CDC14B: variants seen among roughly 807,000 people sequenced by gnomAD.
CDC14B encodes the protein dual specificity protein phosphatase CDC14B.
In CDC14B, 22 loss-of-function variants were observed where a neutral mutation model predicts 64.2. The ratio of observed to expected loss-of-function variants is 0.34; its 90% CI spans 0.24 to 0.49. CDC14B has a LOEUF of 0.49. CDC14B is among the 20% of genes least tolerant of loss of function. The pLI, the probability that CDC14B is intolerant of heterozygous loss-of-function variation, is 0.99. For synonymous variants in CDC14B, 191 were observed against 215.8 expected (o/e 0.89, Z 1.01); for missense variants, 498 against 629.9 (o/e 0.79, Z 2.24).
At chr9:96,493,923 TCGCGCTGCCTCCAGGC>T (rs1833151157) in intron 13 of CDC14B, among the ~76,000 whole-genome samples, 1 of 152,212 alleles carries the variant, frequency 6.6e-6, no homozygotes, top group Non-Finnish European at 1.5e-5. Flanking sequence ...CTCCCAGGAC[TCGCGCTGCCTCCAGGC>T]GCTCCCCTCC....
intron 9 of CDC14B, among the ~76,000 whole-genome samples, chr9:96,529,448 C>A (rs774483362): frequency 1.3e-5 from 2 of 151,270 alleles, no homozygotes; most frequent in African/African-American, 2.4e-5. Flanking sequence ...TGTCTTTATG[C>A]CAGTACCACA....
chr9:96,571,186 T>C (rs1410196635), intron 1 of CDC14B, among the ~76,000 whole-genome samples: 1 of 151,996 alleles, frequency 6.6e-6, no homozygotes, highest in African/African-American at 2.4e-5. Context: ...AAAATTTTTT[T>C]TTTTTTTTGA....
intron 2 of CDC14B, among the ~76,000 whole-genome samples, 157 bp downstream of exon 2, chr9:96,565,236 T>G (rs76765717): frequency 1.3e-5 from 2 of 151,230 alleles, no homozygotes; most frequent in East Asian, 3.8e-4. Context: ...TTTTTTTTTT[T>G]GCTCTAAAGG....
At position 96,523,626 on chromosome 9, in the gene CDC14B, G is replaced by T; in HGVS notation, c.1046C>A (p.Pro349His). The T allele has an allele frequency of 6.2e-7, 1 of 1,614,182 alleles. No homozygotes were observed. Among genetic ancestry groups the T allele is most frequent in the Non-Finnish European group, 8.5e-7 (1 of 1,180,034 alleles). The stretch of plus-strand genomic sequence containing the variant: ...CTGCTGAGGCCCAATCACCGAGCCA[G>T]GTCTGCAGATCCTGACCCACGCAAT... ...ETIAWVRICR[P>H]GSVIGPQQQF... is the part of the protein sequence containing the mutation. The change falls in exon 10 of 14, where the codon CCT becomes CAT. Residue 349 changes from proline to histidine, a missense_variant. Transcript: ENST00000375241.
intron 1 of CDC14B, among the ~76,000 whole-genome samples, chr9:96,566,383 A>G (rs1389061315): frequency 6.7e-6 from 1 of 149,450 alleles, no homozygotes; most frequent in Non-Finnish European, 1.5e-5. Flanking sequence ...TTGATCTGCA[A>G]TTCAACTCAT....
At chr9:96,513,655 T>C (rs1835218323) in intron 12 of CDC14B, among the ~76,000 whole-genome samples, 1 of 152,104 alleles carries the variant, frequency 6.6e-6, no homozygotes, top group African/African-American at 2.4e-5. Flanking sequence ...GTCTCGAACA[T>C]AAATGTCCAA....
chr9:96,598,603 G>A (rs1846237064), intron 1 of CDC14B, among the ~76,000 whole-genome samples: 3 of 152,108 alleles, frequency 2.0e-5, no homozygotes, highest in Admixed American at 1.3e-4. Context: ...CCAAAGTGCT[G>A]GGATTATAGG....
At chr9:96,584,337 G>T (rs1845342169) in intron 1 of CDC14B, among the ~76,000 whole-genome samples, 1 of 152,178 alleles carries the variant, frequency 6.6e-6, no homozygotes, top group Admixed American at 6.5e-5. Flanking sequence ...GTCCTAAGGG[G>T]TGTGGATGAC....
At chr9:96,551,653 G>T in intron 5 of CDC14B, 143 bp downstream of exon 5, 1 of 1,184,448 alleles carries the variant, frequency 8.4e-7, no homozygotes. Context: ...CAGTGTCACT[G>T]TGGAAAAACC....
chr9:96,574,396 C>T (rs1167591218), intron 1 of CDC14B, among the ~76,000 whole-genome samples: 1 of 151,884 alleles, frequency 6.6e-6, no homozygotes, highest in Non-Finnish European at 1.5e-5. Context: ...AATTTGATCC[C>T]TATCTCATAC....
chr9:96,606,577 G>GTGTGTGTT (rs934475792), intron 1 of CDC14B, among the ~76,000 whole-genome samples: 1 of 138,926 alleles, frequency 7.2e-6, no homozygotes, highest in Non-Finnish European at 1.6e-5. Context: ...GTGTGTGTGT[G>GTGTGTGTT]TTTCTGGAGA....
chr9:96,576,608 G>A (rs1303202227), intron 1 of CDC14B, among the ~76,000 whole-genome samples: 4 of 136,676 alleles, frequency 2.9e-5, no homozygotes, highest in African/African-American at 1.1e-4. Context: ...ACTCCAGCCA[G>A]GGCGACAGAG....
At position 96,530,426 on chromosome 9, in the gene CDC14B, G is replaced by A. The variant is rs530025390; in HGVS notation, c.946+3501C>T. On this transcript the variant is annotated intron_variant, in intron 9 of 13. Coordinates refer to ENST00000375241, the MANE Select transcript of CDC14B (RefSeq NM_033331.4). ...TCCTGCCTTAGCATGCGCCACGCCC[G>A]GCTAATTTTTTTTTTTTTTTTTTTT... is the stretch of plus-strand genomic sequence containing the variant. Among the ~76,000 whole-genome samples the A allele has an allele frequency of 4.2e-3, 621 of 147,148 alleles. 2 individuals carry two copies. Among genetic ancestry groups the A allele is most frequent in the Non-Finnish European group, 5.2e-3 (354 of 67,672 alleles).
At chr9:96,569,723 CAAGCGATT>C (rs2117959296) in intron 1 of CDC14B, among the ~76,000 whole-genome samples, 1 of 152,144 alleles carries the variant, frequency 6.6e-6, no homozygotes, top group South Asian at 2.1e-4. Context: ...CTCCCAGGCT[CAAGCGATT>C]CTCCTGCCTC....
At chr9:96,553,847 G>A (rs1842145321) in intron 4 of CDC14B, among the ~76,000 whole-genome samples, 2 of 151,714 alleles carry the variant, frequency 1.3e-5, no homozygotes, top group African/African-American at 4.8e-5. Context: ...AGACTTCCTA[G>A]CAGATTAAAA....
intron 13 of CDC14B, 75 bp from the exon 14 acceptor site, chr9:96,503,864 G>C: frequency 8.7e-7 from 1 of 1,149,564 alleles, no homozygotes; most frequent in South Asian, 1.3e-5. Context: ...AGACAAGGAG[G>C]GCAACATAAT....
intron 1 of CDC14B, among the ~76,000 whole-genome samples, chr9:96,608,312 TTAGA>T (rs1166750300): frequency 6.6e-6 from 1 of 152,248 alleles, no homozygotes; most frequent in African/African-American, 2.4e-5. Flanking sequence ...GCTGTGTTTG[TTAGA>T]TAAACTCAAA....
chr9:96,529,013 T>A (rs1838014886), intron 9 of CDC14B, among the ~76,000 whole-genome samples: 1 of 152,170 alleles, frequency 6.6e-6, no homozygotes, highest in Non-Finnish European at 1.5e-5. Flanking sequence ...TCAGAAGTGA[T>A]TTGCAAATAT....
downstream of CDC14B, among the ~76,000 whole-genome samples, chr9:96,496,046 A>C (rs1833223815): frequency 6.6e-6 from 1 of 152,060 alleles, no homozygotes; most frequent in African/African-American, 2.4e-5. Context: ...TAGCCTAAGA[A>C]AGTGTCAGCA....
Sources: gnomAD v4.1 joint callset for allele counts (sites outside exome capture counted in the v4.1 genomes callset) on GRCh38, gnomAD v4.1.1 for gene constraint, MANE v1.5 for transcripts, NCBI Gene and HGNC (gene_info 2026-07-23, HGNC 2026-07-21) for gene names.